Variants in CNIH3 observed in about 807,000 individuals in gnomAD.
CNIH3 encodes protein cornichon homolog 3.
In CNIH3, 14 loss-of-function variants were observed where a neutral mutation model predicts 24.1. The ratio of observed to expected loss-of-function variants is 0.58; its 90% confidence interval spans 0.38 to 0.91. The LOEUF is 0.91. CNIH3 is among the 40% of genes least tolerant of loss of function. CNIH3 has a pLI of 0.00. For synonymous variants in CNIH3, 68 were observed against 73.8 expected (o/e 0.92, Z 0.40); for missense variants, 178 against 196.8 (o/e 0.90, Z 0.57).
intron 1 of CNIH3, among the ~76,000 whole-genome samples, chr1:224,667,196 A>G (rs922086732): frequency 5.3e-5 from 8 of 152,244 alleles, no homozygotes; most frequent in Non-Finnish European, 1.2e-4. Flanking sequence ...GAGAGGGCTA[A>G]TTAGAATCCT....
chr1:224,567,515 A>G (rs1572491551), intron 4 of CNIH3, among the ~76,000 whole-genome samples: 1 of 152,238 alleles, frequency 6.6e-6, no homozygotes, highest in South Asian at 2.1e-4. Flanking sequence ...GCAGATCACT[A>G]TCTTTACTCC....
intron 1 of CNIH3, among the ~76,000 whole-genome samples, chr1:224,662,479 T>A (rs2125119098): frequency 6.6e-6 from 1 of 152,322 alleles, no homozygotes; most frequent in African/African-American, 2.4e-5. Context: ...TTGGCTGGGT[T>A]TATAGTTTTA....
At chr1:224,446,254 G>T (rs1675162583) in intron 1 of CNIH3, among the ~76,000 whole-genome samples, 1 of 124,722 alleles carries the variant, frequency 8.0e-6, no homozygotes. Flanking sequence ...TGGCTATTCT[G>T]GGCCCTTTGC....
chr1:224,648,040 T>C (rs1684695834), intron 1 of CNIH3, among the ~76,000 whole-genome samples: 1 of 152,140 alleles, frequency 6.6e-6, no homozygotes, highest in African/African-American at 2.4e-5. Flanking sequence ...GGATGGAAAC[T>C]GGATCTGGAG....
At chr1:224,460,278 G>C (rs1303899563) in intron 1 of CNIH3, among the ~76,000 whole-genome samples, 1 of 152,066 alleles carries the variant, frequency 6.6e-6, no homozygotes, top group Non-Finnish European at 1.5e-5. Context: ...ATTTAAAGTG[G>C]ATAATTTGAT....
intron 1 of CNIH3, among the ~76,000 whole-genome samples, chr1:224,440,067 C>T (rs1310901860): frequency 6.6e-6 from 1 of 152,158 alleles, no homozygotes; most frequent in African/African-American, 2.4e-5. Context: ...GGATTACAGG[C>T]GTGAGCCACT....
chr1:224,622,310 T>C (rs749635915), intron 1 of CNIH3, among the ~76,000 whole-genome samples: 28 of 152,200 alleles, frequency 1.8e-4, no homozygotes, highest in Non-Finnish European at 3.8e-4. Flanking sequence ...CCATGGGGTA[T>C]AGGGCCCTTC....
At chr1:224,711,310 TTCTC>T (rs1033710740) in intron 3 of CNIH3, among the ~76,000 whole-genome samples, 6 of 150,220 alleles carry the variant, frequency 4.0e-5, no homozygotes, top group East Asian at 2.0e-4. Context: ...TTTTTAATCT[TTCTC>T]TCTCTCTCTC....
At chr1:224,669,320 A>C (rs1685750362) in intron 1 of CNIH3, among the ~76,000 whole-genome samples, 4 of 152,178 alleles carry the variant, frequency 2.6e-5, no homozygotes, top group Admixed American at 2.6e-4. Flanking sequence ...AATAAGCCAA[A>C]GTGTCCTGTG....
intron 1 of CNIH3, among the ~76,000 whole-genome samples, chr1:224,643,707 G>GTTACA: frequency 6.6e-6 from 1 of 152,180 alleles, no homozygotes; most frequent in South Asian, 2.1e-4. Flanking sequence ...AAAAAAAGTG[G>GTTACA]GGAACAGGGA....
chr1:224,643,785 A>G (rs1684474205), intron 1 of CNIH3, among the ~76,000 whole-genome samples: 1 of 152,240 alleles, frequency 6.6e-6, no homozygotes, highest in African/African-American at 2.4e-5. Flanking sequence ...GGTTCTACCC[A>G]GGAAGAGGAG....
rs565579911 is a variant in CNIH3 at position 224,550,898 on chromosome 1, C to G, written n.450+3959C>G. Among the ~76,000 whole-genome samples the G allele has an allele frequency of 9.5e-5, 14 of 147,434 alleles. No homozygotes were observed. In the South Asian group the frequency reaches 2.9e-3, roughly 30 times the overall value. ...GCCCCGGTGTGTGATGTTCCCCTTC[C>G]TGTGTCCATGTGTTCTCATTGTTCA... On this transcript the variant is annotated intron_variant and non_coding_transcript_variant, in intron 3 of 5. Transcript: ENST00000471578.
At chr1:224,606,903 TTG>T (rs1682450921) in intron 3 of CNIH3, among the ~76,000 whole-genome samples, 1 of 152,124 alleles carries the variant, frequency 6.6e-6, no homozygotes, top group African/African-American at 2.4e-5. Context: ...TTTCCCAACC[TTG>T]TGGGGAGCCC....
chr1:224,586,102 A>G (rs1681496346), intron 5 of CNIH3, among the ~76,000 whole-genome samples: 1 of 152,220 alleles, frequency 6.6e-6, no homozygotes, highest in South Asian at 2.1e-4. Flanking sequence ...GGAAGTTTTC[A>G]TGTGAATGAT....
intron 1 of CNIH3, among the ~76,000 whole-genome samples, chr1:224,491,411 T>A (rs1297033388): frequency 1.3e-5 from 2 of 152,212 alleles, no homozygotes; most frequent in Non-Finnish European, 2.9e-5. Context: ...AGGAATTTTG[T>A]AAGCTGCTTG....
At chr1:224,689,165 A>C (rs78720891) in intron 3 of CNIH3, among the ~76,000 whole-genome samples, 1 of 152,058 alleles carries the variant, frequency 6.6e-6, no homozygotes, top group African/African-American at 2.4e-5. Flanking sequence ...ACTGCTTCCA[A>C]TCCTGCCTCT....
chr1:224,688,091 G>T (rs368102517), intron 3 of CNIH3, among the ~76,000 whole-genome samples: 1 of 152,168 alleles, frequency 6.6e-6, no homozygotes, highest in Non-Finnish European at 1.5e-5. Flanking sequence ...TGACAGAGGC[G>T]ATGGGACTAA....
chr1:224,737,575 C>T (rs562233281), intron 5 of CNIH3, among the ~76,000 whole-genome samples: 3 of 151,990 alleles, frequency 2.0e-5, no homozygotes, highest in South Asian at 2.1e-4. Flanking sequence ...GCAGCGTCAG[C>T]GCAGGCCACC....
intron 2 of CNIH3, among the ~76,000 whole-genome samples, chr1:224,535,808 C>A (rs2794805): frequency 0.061 from 9,349 of 152,252 alleles, 910 homozygotes; most frequent in African/African-American, 0.21. Context: ...GGAGGCAGGG[C>A]AAGGGCCTAT....
Sources: gnomAD v4.1 joint callset for allele counts (sites outside exome capture counted in the v4.1 genomes callset) on GRCh38, gnomAD v4.1.1 for gene constraint, MANE v1.5 for transcripts, NCBI Gene and HGNC (gene_info 2026-07-23, HGNC 2026-07-21) for gene names.